COQ10B: variants seen among roughly 807,000 people sequenced by gnomAD.
COQ10B encodes coenzyme Q-binding protein COQ10 homolog B, mitochondrial.
Under a neutral mutation model 27.6 loss-of-function variants are expected in COQ10B, and 12 were observed. That is an observed-to-expected ratio of 0.43 (90% CI 0.28 to 0.70). COQ10B has a LOEUF of 0.70. Among genes scored for constraint, COQ10B ranks in the 30% least tolerant of loss-of-function variants. The probability of loss-of-function intolerance (pLI) is 0.17; values close to 1 mark genes in which losing one functional copy is unlikely to be tolerated. For missense variants in COQ10B, 278 were observed against 288.7 expected (o/e 0.96, Z 0.27); for synonymous variants, 115 against 103.0 (o/e 1.12, Z -0.71).
At chr2:197,464,772 C>A (rs539857610) in intron 3 of COQ10B, among the ~76,000 whole-genome samples, 1 of 152,110 alleles carries the variant, frequency 6.6e-6, no homozygotes, top group South Asian at 2.1e-4. Flanking sequence ...GGTCACAGAG[C>A]CAAGACTCCA....
chr2:197,463,996 T>TATATACACACAC (rs1553574096), intron 3 of COQ10B, among the ~76,000 whole-genome samples: 2 of 32,850 alleles, frequency 6.1e-5, no homozygotes, highest in Non-Finnish European at 1.0e-4. Flanking sequence ...TATATATATA[T>TATATACACACAC]ACACACACAC....
At chr2:197,453,966 G>T in intron 1 of COQ10B, 1 of 1,550,764 alleles carries the variant, frequency 6.4e-7, no homozygotes, top group African/African-American at 1.4e-5. Context: ...CTCCCCTATG[G>T]CTTGTTGCTA....
chr2:197,456,548 A>G (rs1331210610), intron 1 of COQ10B, among the ~76,000 whole-genome samples: 1 of 151,668 alleles, frequency 6.6e-6, no homozygotes, highest in Non-Finnish European at 1.5e-5. Context: ...GCGGATCACA[A>G]GGTCAGGAGA....
At chr2:197,460,653 T>C (rs1333958961) in intron 2 of COQ10B, among the ~76,000 whole-genome samples, 4 of 152,254 alleles carry the variant, frequency 2.6e-5, no homozygotes, top group African/African-American at 7.2e-5. Flanking sequence ...CATTGGGCCA[T>C]ATGTTTACAT....
chr2:197,473,508 G>GTATATATATACT (rs2085906976), intron 4 of COQ10B, among the ~76,000 whole-genome samples: 1 of 114,118 alleles, frequency 8.8e-6, no homozygotes, highest in South Asian at 2.8e-4. Flanking sequence ...ATATATATAC[G>GTATATATATACT]TATATATATA....
chr2:197,457,346 A>C (rs2085710669), intron 1 of COQ10B, among the ~76,000 whole-genome samples: 1 of 152,192 alleles, frequency 6.6e-6, no homozygotes, highest in African/African-American at 2.4e-5. Context: ...TTCCTAGTGC[A>C]AATAAATGTT....
At chr2:197,473,729 TA>T in intron 4 of COQ10B, 27 bp from the exon 5 acceptor site, 1 of 1,366,206 alleles carries the variant, frequency 7.3e-7, no homozygotes, top group South Asian at 1.5e-5. Flanking sequence ...TAATTTTTTC[TA>T]AAATAATTTT....
chr2:197,457,747 G>T (rs1307244723), intron 1 of COQ10B, among the ~76,000 whole-genome samples: 1 of 151,126 alleles, frequency 6.6e-6, no homozygotes, highest in Non-Finnish European at 1.5e-5. Flanking sequence ...TCAGCCTCCC[G>T]AGTAGCTGGG....
intron 4 of COQ10B, among the ~76,000 whole-genome samples, chr2:197,472,488 C>G (rs983445810): frequency 6.6e-6 from 1 of 152,106 alleles, no homozygotes; most frequent in African/African-American, 2.4e-5. Context: ...ACAAGCTTGT[C>G]CACATCATTG....
At chr2:197,473,510 A>G (rs544364324) in intron 4 of COQ10B, among the ~76,000 whole-genome samples, 71 of 143,264 alleles carry the variant, frequency 5.0e-4, no homozygotes, top group African/African-American at 1.6e-3. Flanking sequence ...ATATATACGT[A>G]TATATATACA....
chr2:197,460,912 T>A (rs1276856852), intron 2 of COQ10B, among the ~76,000 whole-genome samples: 3 of 152,206 alleles, frequency 2.0e-5, no homozygotes, highest in African/African-American at 7.2e-5. Context: ...GTGTGGCCCC[T>A]GATCTAGGGG....
At position 197,458,825 on chromosome 2, in the gene COQ10B, C is replaced by T. The variant is rs920385591; in HGVS notation, c.105-1107C>T. ...CCTCCTGAGTAGCTGGGACTACAGGCGCCTGCCACCACACTCAGCTAATTT... is the reference window on the plus strand; with the variant it reads ...CCTCCTGAGTAGCTGGGACTACAGGTGCCTGCCACCACACTCAGCTAATTT... On this transcript the variant is annotated intron_variant, in intron 1 of 4. Transcript: ENST00000263960. 5.1e-4 allele frequency among the ~76,000 whole-genome samples: 77 copies of T among 151,994 alleles called. 1 individual carries two copies. The highest frequency in any genetic ancestry group is 3.7e-3 in the Admixed American group (57 of 15,244).
chr2:197,454,926 T>C (rs966165900), intron 1 of COQ10B, among the ~76,000 whole-genome samples: 2 of 152,198 alleles, frequency 1.3e-5, no homozygotes, highest in African/African-American at 4.8e-5. Context: ...ATTCATTTCA[T>C]GGTTTAACTG....
rs2085785955 is a variant in COQ10B at position 197,463,722 on chromosome 2, C to T, written c.447+991C>T. ...CTAAGGTGGGTGGGTCACCCGAGGT[C>T]AGGAGCTTGAGATTAGCCTGGCCAA... On this transcript the variant is annotated intron_variant, in intron 3 of 4. Coordinates refer to ENST00000263960, the MANE Select transcript of COQ10B (RefSeq NM_025147.5). 2.0e-5 allele frequency among the ~76,000 whole-genome samples: 3 copies of T among 150,618 alleles called. No individual in the cohort carries two copies. The South Asian group carries it at 6.3e-4, about 31-fold the overall frequency.
chr2:197,453,986 G>A, intron 1 of COQ10B: 1 of 1,551,002 alleles, frequency 6.4e-7, no homozygotes, highest in Non-Finnish European at 8.7e-7. Context: ...ACTGCTGTTG[G>A]AAAGTTTTAA....
chr2:197,455,548 C>G (rs2106043688), intron 1 of COQ10B, among the ~76,000 whole-genome samples: 1 of 152,276 alleles, frequency 6.6e-6, no homozygotes, highest in Non-Finnish European at 1.5e-5. Flanking sequence ...GCTTGTGGTT[C>G]TAGCTGCTCA....
In COQ10B at chr2:197,464,692, G is replaced by A. The variant is rs150258789; in HGVS notation, c.447+1961G>A. On this transcript the variant is annotated intron_variant, in intron 3 of 4. Transcript: ENST00000263960. ...TCAAATTTTCACAAAAGCCCTTTGA[G>A]GTTCAAGAGTTATTATTTATTTTAG... 3.9e-5 allele frequency among the ~76,000 whole-genome samples: 6 copies of A among 152,106 alleles called. No homozygotes were observed. The East Asian group carries it at 1.2e-3, about 29-fold the overall frequency.
rs537345279 is a variant in COQ10B at position 197,454,875 on chromosome 2, G to A, written c.104+1211G>A. Among the ~76,000 whole-genome samples, 6 of 152,214 alleles carry A rather than the reference G, an allele frequency of 3.9e-5. No homozygotes were observed. In the South Asian group the frequency reaches 6.2e-4, roughly 16 times the overall value. On this transcript the variant is annotated intron_variant, in intron 1 of 4. Coordinates refer to ENST00000263960, the MANE Select transcript of COQ10B (RefSeq NM_025147.5). ...ATGAGAGAGTGGTACTGGAAGACGAGTGACAAAAAAGCTGTTCTCCATGTG... is the reference window on the plus strand; with the variant it reads ...ATGAGAGAGTGGTACTGGAAGACGAATGACAAAAAAGCTGTTCTCCATGTG...
chr2:197,458,434 C>G (rs1431703379), intron 1 of COQ10B, among the ~76,000 whole-genome samples: 1 of 152,064 alleles, frequency 6.6e-6, no homozygotes, highest in Non-Finnish European at 1.5e-5. Context: ...CCTAATTACA[C>G]CTCCCTCTTC....
Sources: allele counts gnomAD v4.1 joint callset (sites outside exome capture counted in the v4.1 genomes callset), GRCh38; gene constraint gnomAD v4.1.1; transcripts MANE v1.5; gene names NCBI Gene and HGNC (gene_info 2026-07-23, HGNC 2026-07-21).